Variants in MINDY2 observed in about 807,000 individuals in gnomAD.
The protein encoded by MINDY2 is MINDY lysine 48 deubiquitinase 2, also known as ubiquitin carboxyl-terminal hydrolase MINDY-2.
Under a neutral mutation model 68.2 loss-of-function variants are expected in MINDY2, and 52 were observed. That is an observed-to-expected ratio of 0.76 (90% CI 0.61 to 0.96). The LOEUF is 0.96. Ranked by LOEUF, MINDY2 falls within the 40% of genes least tolerant of loss-of-function variation. The pLI, the probability that MINDY2 is intolerant of heterozygous loss-of-function variation, is 0.00. For synonymous variants in MINDY2, 372 were observed against 303.0 expected (o/e 1.23, Z -2.36); for missense variants, 881 against 773.4 (o/e 1.14, Z -1.65).
rs745790809 is a variant in MINDY2 at position 58,772,259 on chromosome 15, C to T, written c.840+24C>T. The T allele has an allele frequency of 4.4e-6, 7 of 1,604,884 alleles. No individual in the cohort carries two copies. The Admixed American group carries it at 5.0e-5, about 11-fold the overall frequency. On this transcript the variant is annotated intron_variant, in intron 1 of 8. Transcript: ENST00000559228. ...AGGTACATTCTGCAGCTTTCTACTTCCTACAGCTTTTGGGGTGGAGGAAAA... is the reference window on the plus strand; with the variant it reads ...AGGTACATTCTGCAGCTTTCTACTTTCTACAGCTTTTGGGGTGGAGGAAAA...
intron 4 of MINDY2, 85 bp downstream of exon 4, chr15:58,810,473 GTTAC>G: frequency 7.7e-7 from 1 of 1,295,198 alleles, no homozygotes; most frequent in Non-Finnish European, 1.0e-6. Flanking sequence ...TATATTTTTT[GTTAC>G]TTACTTTTTT....
At chr15:58,845,631 A>G (rs1309870461) in intron 6 of MINDY2, among the ~76,000 whole-genome samples, 1 of 152,354 alleles carries the variant, frequency 6.6e-6, no homozygotes, top group South Asian at 2.1e-4. Context: ...TATGGAGAAC[A>G]GTTTAGAGGT....
At chr15:58,794,030 G>A (rs1459465789) in intron 2 of MINDY2, among the ~76,000 whole-genome samples, 1 of 152,122 alleles carries the variant, frequency 6.6e-6, no homozygotes, top group African/African-American at 2.4e-5. Context: ...ACCAGAGCTG[G>A]ACTTTTGCCT....
chr15:58,792,624 A>C (rs565298637), intron 2 of MINDY2, among the ~76,000 whole-genome samples: 1 of 152,242 alleles, frequency 6.6e-6, no homozygotes, highest in East Asian at 1.9e-4. Flanking sequence ...AAAAAGAAAA[A>C]TGTTCAAAGC....
chr15:58,771,495 A>T lies in MINDY2; in HGVS notation c.100A>T (p.Arg34Trp), dbSNP rs376730103. The change falls in exon 1 of 9, where the codon AGG (arginine) becomes TGG (tryptophan). Residue 34 changes from arginine to tryptophan, a missense_variant. Transcript: ENST00000559228. Reference protein sequence around the residue: ...GSSQEGLQETRLAAGDGPGVW... With the variant: ...GSSQEGLQETWLAAGDGPGVW... ...TTCGCAGGAAGGGCTACAGGAGACC[A>T]GGCTCGCCGCTGGTGATGGTCCTGG... The T allele has an allele frequency of 6.2e-6, 10 of 1,612,220 alleles. No individual in the cohort carries two copies. In the African/African-American group the frequency reaches 1.1e-4, roughly 17 times the overall value.
chr15:58,802,356 TC>T lies in MINDY2; in HGVS notation c.943del (p.Gln315AsnfsTer3). 6.3e-7 allele frequency: 1 copy of T among 1,587,986 alleles called. No individual in the cohort carries two copies. The highest frequency in any genetic ancestry group is 1.2e-5 in the South Asian group (1 of 85,020). Reference sequence around the variant, plus strand: ...CAAAGCCAAAAGAAATTTCAGAAATTCAACGTTTAAATTATGAACAGGTAAT... The same window carrying T: ...CAAAGCCAAAAGAAATTTCAGAAATTAACGTTTAAATTATGAACAGGTAAT... ...DAKPKEISEI[Q>X]RLNYEQNMSD... On this transcript the variant is annotated frameshift_variant, in exon 3 of 9. Transcript: ENST00000559228. LOFTEE classifies it high-confidence loss of function.
In MINDY2 at chr15:58,810,294, T is replaced by A; in HGVS notation, c.1028T>A (p.Phe343Tyr). 6.2e-7 allele frequency: 1 copy of A among 1,613,960 alleles called. No homozygotes were observed. The highest frequency in any genetic ancestry group is 8.5e-7 in the Non-Finnish European group (1 of 1,179,952). Residue 343 changes from phenylalanine (F) to tyrosine (Y), a missense_variant, in exon 4 of 9, where the codon TTC (phenylalanine) becomes TAC (tyrosine). Phe to Tyr is a conservative substitution (Grantham distance 22). Coordinates refer to ENST00000559228, the MANE Select transcript of MINDY2 (RefSeq NM_001040450.3). ...ACAGGCCTGGATGTAAATGTAAGATTCACTGGTGTTCGAGTGTTTGAATAT... is the reference window on the plus strand; with the variant it reads ...ACAGGCCTGGATGTAAATGTAAGATACACTGGTGTTCGAGTGTTTGAATAT... Reference protein sequence around the residue: ...LQTGLDVNVRFTGVRVFEYTP... With the variant: ...LQTGLDVNVRYTGVRVFEYTP...
intron 7 of MINDY2, among the ~76,000 whole-genome samples, chr15:58,851,407 ATT>A (rs1300070124): frequency 6.6e-6 from 1 of 151,976 alleles, no homozygotes; most frequent in African/African-American, 2.4e-5. Flanking sequence ...TTATTTTGTT[ATT>A]TTATATTGTT....
intron 6 of MINDY2, among the ~76,000 whole-genome samples, chr15:58,837,452 A>G (rs2032046990): frequency 6.6e-6 from 1 of 151,462 alleles, no homozygotes; most frequent in African/African-American, 2.4e-5. Flanking sequence ...ACGCACCTAT[A>G]GTCCCAGTTA....
chr15:58,782,603 A>T (rs1901218631), intron 1 of MINDY2, among the ~76,000 whole-genome samples: 1 of 152,088 alleles, frequency 6.6e-6, no homozygotes, highest in African/African-American at 2.4e-5. Context: ...TTCACTGGTC[A>T]CAAAGTTCTG....
intron 6 of MINDY2, among the ~76,000 whole-genome samples, chr15:58,835,548 G>T (rs2031953452): frequency 6.6e-6 from 1 of 152,136 alleles, no homozygotes; most frequent in Admixed American, 6.5e-5. Flanking sequence ...AGCTACTTGG[G>T]AGGCTGAGGC....
rs138045194 is a variant in MINDY2 at position 58,794,062 on chromosome 15, A to T, written c.898+6099A>T. Among the ~76,000 whole-genome samples, 1,085 of 152,102 alleles carry T rather than the reference A, an allele frequency of 7.1e-3. 6 individuals are homozygous for T. Among genetic ancestry groups the T allele is most frequent in the South Asian group, 0.017 (84 of 4,812 alleles). The stretch of plus-strand genomic sequence containing the variant: ...GCCTGATGAGCGTGTTGACGAAAGA[A>T]TCTAGGGTATGTTGCTCTACATGTT... On this transcript the variant is annotated intron_variant, in intron 2 of 8. Transcript: ENST00000559228.
Position 58,856,495 on chromosome 15 carries a change from T to C in MINDY2, c.*1885T>C, listed in dbSNP as rs2033065838. On this transcript the variant is annotated 3_prime_UTR_variant, in exon 9 of 9. Transcript: ENST00000559228. The stretch of plus-strand genomic sequence containing the variant: ...TTTCTGTTACACAATTTGTTATTTC[T>C]TCAAATTTCCTATGGTAGCATGATA... The C allele has an allele frequency of 6.6e-6, 1 of 152,590 alleles. No homozygotes were observed. Among genetic ancestry groups the C allele is most frequent in the South Asian group, 2.1e-4 (1 of 4,836 alleles). The allele number at this position is 152,590 out of a possible 1,614,324, so 9.5% of individuals were successfully genotyped here. A position where few individuals can be genotyped will look rare whatever the true frequency, so the allele number is the denominator to read the frequency against.
chr15:58,807,394 C>T (rs537932203), intron 3 of MINDY2, among the ~76,000 whole-genome samples: 9 of 125,892 alleles, frequency 7.1e-5, no homozygotes, highest in African/African-American at 2.5e-4. Flanking sequence ...CTTGCTCTGT[C>T]GCCCAGGCTG....
At chr15:58,782,922 T>TG (rs1567039179) in intron 1 of MINDY2, among the ~76,000 whole-genome samples, 5 of 120,298 alleles carry the variant, frequency 4.2e-5, no homozygotes, top group Non-Finnish European at 7.0e-5. Context: ...TTTTTTTTTT[T>TG]TTTTTTTTTT....
chr15:58,771,624 G>A lies in MINDY2; in HGVS notation c.229G>A (p.Gly77Arg), dbSNP rs1900401152. ...TCCCGCGGGCTCTCCTGAGGTTCCC[G>A]GACCCTGCAGCTCCTCCGCGGGTTT... ...ASPAGSPEVP[G>R]PCSSSAGLDL... Residue 77 changes from glycine (G) to arginine (R), a missense_variant, in exon 1 of 9, where the codon GGA (glycine) becomes AGA (arginine). Coordinates refer to ENST00000559228, the MANE Select transcript of MINDY2 (RefSeq NM_001040450.3). 2.5e-6 allele frequency: 4 copies of A among 1,612,300 alleles called. No homozygotes were observed. The highest frequency in any genetic ancestry group is 3.4e-6 in the Non-Finnish European group (4 of 1,179,862).
At chr15:58,827,070 C>G (rs571010489) in intron 5 of MINDY2, among the ~76,000 whole-genome samples, 19 of 152,162 alleles carry the variant, frequency 1.2e-4, no homozygotes, top group Non-Finnish European at 2.5e-4. Flanking sequence ...ATATTTTTGG[C>G]AGGGATGCTA....
chr15:58,830,020 A>G lies in MINDY2; in HGVS notation c.1226-1754A>G, dbSNP rs534825574. Among the ~76,000 whole-genome samples the G allele has an allele frequency of 1.3e-3, 195 of 152,306 alleles. 1 individual carries two copies. The highest frequency in any genetic ancestry group is 4.6e-3 in the African/African-American group (190 of 41,578). On this transcript the variant is annotated intron_variant, in intron 5 of 8. Transcript: ENST00000559228. ...TCTCAGATCACTTATGAAACTTTTT[A>G]GGGCATTCCCTTCCCTCCTCCCCCA... is the stretch of plus-strand genomic sequence containing the variant.
intron 1 of MINDY2, among the ~76,000 whole-genome samples, chr15:58,778,940 T>C (rs890008884): frequency 2.0e-5 from 3 of 151,890 alleles, no homozygotes; most frequent in Non-Finnish European, 4.4e-5. Flanking sequence ...TTTTGTATTT[T>C]TAGTAGAGAT....
Sources: allele counts gnomAD v4.1 joint callset (sites outside exome capture counted in the v4.1 genomes callset), GRCh38; gene constraint gnomAD v4.1.1; transcripts MANE v1.5; gene names NCBI Gene and HGNC (gene_info 2026-07-23, HGNC 2026-07-21).